Variants in DMD observed in about 807,000 individuals in gnomAD.
DMD encodes the protein dystrophin, also known as mutant dystrophin.
Under a neutral mutation model 330.1 loss-of-function variants are expected in DMD, and 63 were observed. That is an observed-to-expected ratio of 0.19 (90% CI 0.16 to 0.24). The LOEUF is 0.24. Among genes scored for constraint, DMD ranks in the 10% least tolerant of loss-of-function variants. The probability of loss-of-function intolerance (pLI) is 1.00; values close to 1 mark genes in which losing one functional copy is unlikely to be tolerated. For synonymous variants in DMD, 1,223 were observed against 959.8 expected (o/e 1.27, Z -5.07); for missense variants, 3,344 against 2,684.1 (o/e 1.25, Z -5.43).
intron 1 of DMD, among the ~76,000 whole-genome samples, chrX:33,094,323 G>T (rs960188532): frequency 1.8e-5 from 2 of 111,414 alleles, no homozygotes; most frequent in African/African-American, 6.5e-5. Context: ...TGAACTTACA[G>T]TCTTTTGAGA....
intron 21 of DMD, among the ~76,000 whole-genome samples, chrX:32,480,546 C>A (rs754444219): frequency 2.9e-4 from 32 of 110,640 alleles, no homozygotes; most frequent in African/African-American, 8.5e-4. Context: ...TATGTGTCTA[C>A]GTGTGTATAT....
At chrX:31,726,792 C>T (rs1489877262) in intron 52 of DMD, among the ~76,000 whole-genome samples, 1 of 111,830 alleles carries the variant, frequency 8.9e-6, no homozygotes, top group Non-Finnish European at 1.9e-5. Flanking sequence ...TCTTAATAAG[C>T]GCTATGACAC....
chrX:32,034,907 C>T (rs2095929210), intron 44 of DMD, among the ~76,000 whole-genome samples: 1 of 111,807 alleles, frequency 8.9e-6, no homozygotes, highest in African/African-American at 3.2e-5. Flanking sequence ...TAATTATCTT[C>T]CTAAGGAACT....
At chrX:31,907,549 A>T (rs1418073033) in intron 47 of DMD, among the ~76,000 whole-genome samples, 1 of 112,096 alleles carries the variant, frequency 8.9e-6, no homozygotes, top group African/African-American at 3.2e-5. Flanking sequence ...CTTACACCTT[A>T]TACAAAAATT....
intron 4 of DMD, among the ~76,000 whole-genome samples, chrX:32,844,448 A>C (rs2080471498): frequency 9.0e-6 from 1 of 110,633 alleles, no homozygotes; most frequent in South Asian, 3.8e-4. Flanking sequence ...AAAAGAAAAA[A>C]GAAAAAGAAA....
At chrX:32,542,813 A>C (rs1237247988) in intron 17 of DMD, among the ~76,000 whole-genome samples, 3 of 112,141 alleles carry the variant, frequency 2.7e-5, no homozygotes, top group Non-Finnish European at 5.6e-5. Context: ...TAAATTTATC[A>C]ATCAAGTGTC....
At chrX:32,303,825 C>G (rs1331665274) in intron 42 of DMD, among the ~76,000 whole-genome samples, 1 of 110,367 alleles carries the variant, frequency 9.1e-6, no homozygotes, top group East Asian at 2.9e-4. Flanking sequence ...CTATATAAAT[C>G]TAATTCTTAC....
intron 2 of DMD, among the ~76,000 whole-genome samples, chrX:32,857,186 TC>T (rs2081645864): frequency 8.9e-6 from 1 of 112,472 alleles, no homozygotes; most frequent in Admixed American, 9.4e-5. Flanking sequence ...CATGCCTGTA[TC>T]AATATATCTA....
rs1170800216 is a variant in DMD, at chrX:32,378,905, T to C, written c.4845+1605A>G. Among the ~76,000 whole-genome samples the C allele has an allele frequency of 2.7e-5, 3 of 110,820 alleles. No homozygotes were observed. The Admixed American group carries it at 2.9e-4, about 11-fold the overall frequency. Reference sequence around the variant, plus strand: ...TGTACTCAATAGTCACGGGGTTTCATATATGAGAGTTTGAATTTTATGTTA... The same window carrying C: ...TGTACTCAATAGTCACGGGGTTTCACATATGAGAGTTTGAATTTTATGTTA... On this transcript the variant is annotated intron_variant, in intron 34 of 78. Coordinates refer to ENST00000357033, the MANE Select transcript of DMD (RefSeq NM_004006.3).
intron 4 of DMD, among the ~76,000 whole-genome samples, chrX:32,830,628 G>A (rs1425960307): frequency 9.0e-6 from 1 of 111,661 alleles, no homozygotes; most frequent in African/African-American, 3.2e-5. Context: ...GTGTGAAAAT[G>A]TAATAACATG....
intron 7 of DMD, among the ~76,000 whole-genome samples, chrX:32,783,350 GTA>G (rs201241741): frequency 0.04 from 3,840 of 96,823 alleles, 222 homozygotes; most frequent in African/African-American, 0.14. Context: ...CACATATATG[GTA>G]TATATATACA....
chrX:32,500,283 A>C lies in DMD; in HGVS notation c.2380+1472T>G, dbSNP rs2043922218. Among the ~76,000 whole-genome samples, 13 of 111,684 alleles carry C rather than the reference A, an allele frequency of 1.2e-4. No homozygotes were observed. In the Admixed American group the frequency reaches 1.2e-3, roughly 11 times the overall value. On this transcript the variant is annotated intron_variant, in intron 19 of 78. Coordinates refer to ENST00000357033, the MANE Select transcript of DMD (RefSeq NM_004006.3). Reference sequence around the variant, plus strand: ...AGAATCTGGTCAATTAATATTTACTAAGCACCTACTATGTGTCCTGACTTT... The same window carrying C: ...AGAATCTGGTCAATTAATATTTACTCAGCACCTACTATGTGTCCTGACTTT...
At chrX:33,300,336 C>T (rs977833725) in intron 1 of DMD, among the ~76,000 whole-genome samples, 7 of 112,424 alleles carry the variant, frequency 6.2e-5, no homozygotes, top group Non-Finnish European at 1.3e-4. Flanking sequence ...TAATGAAGAA[C>T]ATATAATTCC....
intron 44 of DMD, among the ~76,000 whole-genome samples, chrX:32,107,360 GTGTGTGTGTGTGTC>G (rs1409362441): frequency 2.5e-4 from 25 of 98,641 alleles, no homozygotes; most frequent in East Asian, 2.2e-3. Context: ...GTGTGTGTGT[GTGTGTGTGTGTGTC>G]TCTGTGTGTG....
In DMD at chrX:32,343,220, G is replaced by A. The variant is rs1295935628; in HGVS notation, c.5653C>T (p.Gln1885Ter). The change falls in exon 40 of 79, where the codon CAG becomes TAG. Residue 1885 changes from glutamine (Q) to a stop codon, truncating the protein, a stop_gained. Transcript: ENST00000357033. LOFTEE classifies it high-confidence loss of function. ...ISHQWYQYKR[Q>*]ADDLLKCLDD... ...AAGCATTTCAGGAGATCATCAGCCT[G>A]CCTCTTGTACTGATACCACTGATGA... is the stretch of plus-strand genomic sequence containing the variant. 8.3e-7 allele frequency: 1 copy of A among 1,205,562 alleles called. No individual in the cohort carries two copies. The highest frequency in any genetic ancestry group is 2.2e-5 in the Admixed American group (1 of 45,574).
intron 2 of DMD, among the ~76,000 whole-genome samples, chrX:32,853,644 TA>T: frequency 9.4e-6 from 1 of 106,709 alleles, no homozygotes; most frequent in Admixed American, 1.0e-4. Flanking sequence ...TCGCCTTCAC[TA>T]AAAAGGAAGA....
chrX:32,235,441 C>T (rs997055565), intron 43 of DMD, among the ~76,000 whole-genome samples: 6 of 111,338 alleles, frequency 5.4e-5, no homozygotes, highest in Admixed American at 9.6e-5. Flanking sequence ...TACTGCTTTG[C>T]GAATCGGGTC....
At chrX:32,588,273 T>G (rs1348076066) in intron 13 of DMD, among the ~76,000 whole-genome samples, 1 of 111,801 alleles carries the variant, frequency 8.9e-6, no homozygotes, top group Non-Finnish European at 1.9e-5. Flanking sequence ...ACAGACACAA[T>G]TAGGGTACAG....
intron 7 of DMD, among the ~76,000 whole-genome samples, chrX:32,751,386 A>T (rs762667148): frequency 9.0e-6 from 1 of 111,570 alleles, no homozygotes; most frequent in African/African-American, 3.3e-5. Flanking sequence ...ATATTTTAGC[A>T]AAGAGACTGG....
Sources: gnomAD v4.1 joint callset for allele counts (sites outside exome capture counted in the v4.1 genomes callset) on GRCh38, gnomAD v4.1.1 for gene constraint, MANE v1.5 for transcripts, NCBI Gene and HGNC (gene_info 2026-07-23, HGNC 2026-07-21) for gene names.